The following GPC5 variants were observed in gnomAD, a reference collection of about 807,000 sequenced individuals.
GPC5 encodes the protein glypican-5.
Under a neutral mutation model 53.9 loss-of-function variants are expected in GPC5, and 47 were observed. The ratio of observed to expected loss-of-function variants is 0.87; its 90% CI spans 0.69 to 1.11. The LOEUF (loss-of-function observed/expected upper bound fraction) is 1.11, where lower values mean the gene tolerates loss of function less well. Among genes scored for constraint, GPC5 ranks in the 50% most tolerant of loss-of-function variants. The pLI is 0.00. For missense variants in GPC5, 748 were observed against 713.1 expected (o/e 1.05, Z -0.56); for synonymous variants, 286 against 263.3 (o/e 1.09, Z -0.84).
chr13:91,944,517 G>T (rs1350045109), intron 6 of GPC5, among the ~76,000 whole-genome samples: 1 of 151,998 alleles, frequency 6.6e-6, no homozygotes, highest in Non-Finnish European at 1.5e-5. Context: ...AGGCAATCAG[G>T]GAGCTAATTC....
intron 7 of GPC5, among the ~76,000 whole-genome samples, chr13:92,828,732 G>T (rs1877939620): frequency 6.6e-6 from 1 of 152,044 alleles, no homozygotes. Flanking sequence ...CCTTGAGAAA[G>T]TTAGCATAGT....
chr13:91,620,934 A>C (rs1241656155), intron 2 of GPC5, among the ~76,000 whole-genome samples: 1 of 152,154 alleles, frequency 6.6e-6, no homozygotes, highest in Admixed American at 6.6e-5. Context: ...TGTGATAATA[A>C]AATGTTACAG....
At chr13:91,663,605 G>A (rs971521193) in intron 2 of GPC5, among the ~76,000 whole-genome samples, 5 of 151,784 alleles carry the variant, frequency 3.3e-5, no homozygotes, top group African/African-American at 1.2e-4. Context: ...CTACAGGTGT[G>A]AGCCACCACA....
intron 3 of GPC5, among the ~76,000 whole-genome samples, chr13:91,711,151 C>G (rs2036216869): frequency 6.6e-6 from 1 of 152,146 alleles, no homozygotes; most frequent in Non-Finnish European, 1.5e-5. Flanking sequence ...AAGACACATG[C>G]ACATGTATGT....
intron 6 of GPC5, among the ~76,000 whole-genome samples, chr13:92,051,863 A>T (rs999029866): frequency 1.3e-5 from 2 of 152,224 alleles, no homozygotes; most frequent in Admixed American, 1.3e-4. Flanking sequence ...GTGGAAAGAG[A>T]ACATTGATGG....
chr13:91,656,863 T>A (rs1048013107), intron 2 of GPC5, among the ~76,000 whole-genome samples: 4 of 152,316 alleles, frequency 2.6e-5, no homozygotes, highest in Admixed American at 1.3e-4. Flanking sequence ...AAATATTTGT[T>A]GAGCATCTGT....
intron 7 of GPC5, among the ~76,000 whole-genome samples, chr13:92,157,038 G>C (rs898681733): frequency 6.6e-6 from 1 of 152,098 alleles, no homozygotes; most frequent in Non-Finnish European, 1.5e-5. Context: ...CTCTGTGCAT[G>C]AGTATGTATT....
chr13:92,260,534 C>T (rs974437410), intron 7 of GPC5, among the ~76,000 whole-genome samples: 2 of 152,160 alleles, frequency 1.3e-5, no homozygotes, highest in Admixed American at 6.5e-5. Context: ...CAGGTCTGTG[C>T]TCCTTGCCTT....
intron 2 of GPC5, among the ~76,000 whole-genome samples, chr13:91,675,602 TCA>T (rs2035363534): frequency 6.6e-6 from 1 of 152,222 alleles, no homozygotes; most frequent in Admixed American, 6.5e-5. Flanking sequence ...AAAGTGATAT[TCA>T]CACAGTGGTA....
intron 7 of GPC5, among the ~76,000 whole-genome samples, chr13:92,391,595 A>C (rs942317648): frequency 6.6e-6 from 1 of 152,194 alleles, no homozygotes; most frequent in Non-Finnish European, 1.5e-5. Flanking sequence ...ATGTTATACT[A>C]TAGATCAATT....
At chr13:92,121,196 T>A (rs2041646264) in intron 6 of GPC5, among the ~76,000 whole-genome samples, 1 of 152,238 alleles carries the variant, frequency 6.6e-6, no homozygotes, top group African/African-American at 2.4e-5. Context: ...CTTTGTTCGA[T>A]TTTCTTCTGG....
At position 91,982,484 on chromosome 13, in the gene GPC5, A is replaced by G. The variant is rs573577696; in HGVS notation, c.1401+74427A>G. Among the ~76,000 whole-genome samples the G allele has an allele frequency of 3.2e-3, 469 of 148,402 alleles. 3 individuals carry two copies. Among genetic ancestry groups the G allele is most frequent in the African/African-American group, 0.011 (450 of 40,398 alleles). The stretch of plus-strand genomic sequence containing the variant: ...AATAAAAAAGCTATGTTGTTGAGTG[A>G]AAAAAAAAAGCAAAAAGGATTAGGG... On this transcript the variant is annotated intron_variant, in intron 6 of 7. Transcript: ENST00000377067.
chr13:92,647,571 C>T (rs981308973), intron 7 of GPC5, among the ~76,000 whole-genome samples: 15 of 152,036 alleles, frequency 9.9e-5, no homozygotes, highest in Non-Finnish European at 2.2e-4. Context: ...CCAAGAAAAT[C>T]TCATGAGATA....
intron 7 of GPC5, among the ~76,000 whole-genome samples, chr13:92,367,361 T>C (rs777607378): frequency 2.6e-5 from 4 of 152,200 alleles, no homozygotes; most frequent in Non-Finnish European, 5.9e-5. Flanking sequence ...TTCTAGAAGA[T>C]CTTAGATCAT....
intron 7 of GPC5, among the ~76,000 whole-genome samples, chr13:92,237,321 G>A (rs1235828486): frequency 6.6e-6 from 1 of 152,110 alleles, no homozygotes; most frequent in Non-Finnish European, 1.5e-5. Flanking sequence ...CCAAGTTCAA[G>A]TGATCCTCTT....
chr13:92,847,084 A>T (rs1878636968), intron 7 of GPC5, among the ~76,000 whole-genome samples: 1 of 152,120 alleles, frequency 6.6e-6, no homozygotes, highest in Non-Finnish European at 1.5e-5. Flanking sequence ...ACATAGCCAC[A>T]TTCTCTCTGG....
At chr13:92,500,862 T>C (rs1273102793) in intron 7 of GPC5, among the ~76,000 whole-genome samples, 1 of 152,182 alleles carries the variant, frequency 6.6e-6, no homozygotes, top group Non-Finnish European at 1.5e-5. Context: ...CGCTGCTTTC[T>C]GGATAAAAGA....
intron 6 of GPC5, among the ~76,000 whole-genome samples, chr13:92,090,451 T>C (rs2041370915): frequency 6.6e-6 from 1 of 152,100 alleles, no homozygotes; most frequent in South Asian, 2.1e-4. Flanking sequence ...TCCTGCCCCT[T>C]TCAACATGTG....
chr13:91,534,517 A>G (rs1166865572), intron 2 of GPC5, among the ~76,000 whole-genome samples: 1 of 152,224 alleles, frequency 6.6e-6, no homozygotes, highest in Admixed American at 6.5e-5. Context: ...ATACTGAGAA[A>G]GTTGATTTTG....
Sources: gnomAD v4.1 joint callset for allele counts (sites outside exome capture counted in the v4.1 genomes callset) on GRCh38, gnomAD v4.1.1 for gene constraint, MANE v1.5 for transcripts, NCBI Gene and HGNC (gene_info 2026-07-23, HGNC 2026-07-21) for gene names.